The following NTRK3 variants were observed in gnomAD, a reference collection of about 807,000 sequenced individuals.
NTRK3 encodes the protein NT-3 growth factor receptor.
Under a neutral mutation model 91.7 loss-of-function variants are expected in NTRK3, and 24 were observed. The observed-to-expected ratio is 0.26, with a 90% CI of 0.19 to 0.37. The LOEUF is 0.37. NTRK3 is among the 10% of genes least tolerant of loss of function. NTRK3 has a pLI of 1.00. For synonymous variants in NTRK3, 483 were observed against 404.0 expected (o/e 1.20, Z -2.34); for missense variants, 880 against 1,068.9 (o/e 0.82, Z 2.46).
At chr15:88,033,216 A>ATATGTATAT (rs1567262261) in intron 13 of NTRK3, among the ~76,000 whole-genome samples, 171 bp from the exon 14 acceptor site, 3 of 122,012 alleles carry the variant, frequency 2.5e-5, no homozygotes, top group African/African-American at 9.6e-5. Flanking sequence ...ATATATATAT[A>ATATGTATAT]AATTCAGTTG....
At chr15:88,099,008 T>A (rs2049911495) in intron 13 of NTRK3, 1 of 231,968 alleles carries the variant, frequency 4.3e-6, no homozygotes, top group African/African-American at 2.2e-5. Flanking sequence ...CTCACCTTAA[T>A]CTTGCAAAGG....
At chr15:88,133,523 G>C (rs1240519537) in intron 10 of NTRK3, among the ~76,000 whole-genome samples, 1 of 152,134 alleles carries the variant, frequency 6.6e-6, no homozygotes, top group Non-Finnish European at 1.5e-5. Flanking sequence ...CACCAATCAA[G>C]ACTTTCCCTC....
chr15:88,020,769 C>T (rs1258976243), intron 14 of NTRK3, among the ~76,000 whole-genome samples: 2 of 152,186 alleles, frequency 1.3e-5, no homozygotes, highest in Middle Eastern at 3.2e-3. Flanking sequence ...AGGCCACCCA[C>T]TCTCATGTCA....
At chr15:88,112,375 G>C (rs1239034998) in intron 13 of NTRK3, among the ~76,000 whole-genome samples, 2 of 152,194 alleles carry the variant, frequency 1.3e-5, no homozygotes, top group South Asian at 4.1e-4. Context: ...CACCCATGTT[G>C]CTACCTGGCA....
At chr15:87,902,025 C>T (rs1009200035) in intron 17 of NTRK3, among the ~76,000 whole-genome samples, 9 of 152,184 alleles carry the variant, frequency 5.9e-5, no homozygotes, top group Admixed American at 2.6e-4. Context: ...GATAGAAATC[C>T]TATAAATGTG....
At chr15:87,956,635 T>A (rs905306649) in intron 14 of NTRK3, among the ~76,000 whole-genome samples, 4 of 151,778 alleles carry the variant, frequency 2.6e-5, no homozygotes, top group Non-Finnish European at 2.9e-5. Context: ...AGTGGTGCAA[T>A]CTTGGCTCAC....
chr15:88,116,387 T>C (rs4887206), intron 13 of NTRK3, among the ~76,000 whole-genome samples: 34,963 of 151,188 alleles, frequency 0.23, 4,236 homozygotes, highest in Non-Finnish European at 0.25. Context: ...GAGTTCGAGA[T>C]CAGCCTGGCC....
intron 17 of NTRK3, among the ~76,000 whole-genome samples, chr15:87,898,574 C>A (rs77224415): frequency 0.016 from 2,450 of 152,226 alleles, 61 homozygotes; most frequent in African/African-American, 0.056. Context: ...CTTTTTTCCA[C>A]AAAAGGCAAA....
chr15:88,047,046 C>T (rs1475826158), intron 13 of NTRK3, among the ~76,000 whole-genome samples: 1 of 152,168 alleles, frequency 6.6e-6, no homozygotes. Context: ...CAGCTGACAC[C>T]CACAGGGCCA....
At chr15:88,092,579 GGCT>G (rs895820934) in intron 13 of NTRK3, among the ~76,000 whole-genome samples, 70 of 152,282 alleles carry the variant, frequency 4.6e-4, no homozygotes, top group African/African-American at 1.6e-3. Flanking sequence ...CATTTCTTAT[GGCT>G]GCTGTAACAA....
chr15:87,953,694 C>T (rs2071376269), intron 14 of NTRK3, among the ~76,000 whole-genome samples: 1 of 152,302 alleles, frequency 6.6e-6, no homozygotes, highest in South Asian at 2.1e-4. Flanking sequence ...CAAACACACT[C>T]AGGAGCCCCA....
intron 14 of NTRK3, chr15:87,978,961 G>A (rs1236469161): frequency 1.1e-5 from 4 of 352,756 alleles, no homozygotes; most frequent in East Asian, 4.6e-5. Flanking sequence ...AGTGAGGCTG[G>A]AGCACGGCTG....
intron 13 of NTRK3, among the ~76,000 whole-genome samples, chr15:88,058,069 C>T (rs1192589087): frequency 6.6e-6 from 1 of 152,204 alleles, no homozygotes. Context: ...CTCACTGGCT[C>T]TGCAAGCCAA....
At chr15:88,094,347 T>C (rs376716526) in intron 13 of NTRK3, among the ~76,000 whole-genome samples, 1 of 151,306 alleles carries the variant, frequency 6.6e-6, no homozygotes. Flanking sequence ...CGGGCGCCTG[T>C]AGTCCCAGCT....
At chr15:87,911,607 C>T (rs1164337751) in intron 17 of NTRK3, among the ~76,000 whole-genome samples, 1 of 152,180 alleles carries the variant, frequency 6.6e-6, no homozygotes, top group Non-Finnish European at 1.5e-5. Context: ...CTTGCCACCC[C>T]TGTGGGTGAG....
At chr15:88,231,185 C>G (rs922311741) in intron 3 of NTRK3, among the ~76,000 whole-genome samples, 1 of 152,172 alleles carries the variant, frequency 6.6e-6, no homozygotes, top group African/African-American at 2.4e-5. Flanking sequence ...CAGCATTGTT[C>G]CCCTTCTCAC....
intron 13 of NTRK3, among the ~76,000 whole-genome samples, chr15:88,111,908 G>T (rs28463258): frequency 1.0e-4 from 14 of 135,010 alleles, no homozygotes; most frequent in Middle Eastern, 7.6e-3. Flanking sequence ...TTTTGTTTTT[G>T]TTTTTTTTTT....
chr15:87,988,664 T>A (rs1467823785), intron 14 of NTRK3, among the ~76,000 whole-genome samples: 1 of 152,262 alleles, frequency 6.6e-6, no homozygotes, highest in Non-Finnish European at 1.5e-5. Flanking sequence ...AGACGTTGAT[T>A]TTTGTTTATT....
intron 13 of NTRK3, among the ~76,000 whole-genome samples, chr15:88,036,285 A>T (rs1243040315): frequency 1.3e-5 from 2 of 152,158 alleles, no homozygotes; most frequent in Non-Finnish European, 2.9e-5. Flanking sequence ...CTTCCAGGCA[A>T]GAGGGATACA....
Sources: gnomAD v4.1 joint callset for allele counts (sites outside exome capture counted in the v4.1 genomes callset) on GRCh38, gnomAD v4.1.1 for gene constraint, MANE v1.5 for transcripts, NCBI Gene and HGNC (gene_info 2026-07-23, HGNC 2026-07-21) for gene names.